CYP4A11: variants seen among roughly 807,000 people sequenced by gnomAD.
CYP4A11 encodes cytochrome P450 family 4 subfamily A member 11.
A neutral mutation model predicts 57.7 loss-of-function variants in CYP4A11; 52 were observed. The observed-to-expected ratio is 0.90, with a 90% CI of 0.72 to 1.14. CYP4A11 has a LOEUF of 1.14. CYP4A11 is among the 50% of genes most tolerant of loss of function. The pLI is 0.00. For missense variants in CYP4A11, 641 were observed against 642.1 expected (o/e 1.00, Z 0.02); for synonymous variants, 228 against 247.1 (o/e 0.92, Z 0.72).
intron 3 of CYP4A11, 94 bp from the exon 4 acceptor site, chr1:46,936,885 G>A: frequency 6.7e-7 from 1 of 1,488,888 alleles, no homozygotes; most frequent in Non-Finnish European, 9.0e-7. Context: ...TGACAATTTG[G>A]GAGGGAGAAA....
In CYP4A11 at chr1:46,935,594, G is replaced by A. The variant is rs745608540; in HGVS notation, c.564C>T (p.His188=). 11 of 1,613,864 alleles carry A rather than the reference G, an allele frequency of 6.8e-6. No homozygotes were observed. The highest frequency in any genetic ancestry group is 1.6e-4 in the Middle Eastern group (1 of 6,078). Residue 188 remains histidine, a synonymous_variant, in exon 5 of 12, where the codon CAC becomes CAT. Transcript: ENST00000310638. ...TGGTGTCCAGGGTCATCAAGGAGACGTGCTGAAAGACCTCCAGAGGGGAAT... is the reference window on the plus strand; with the variant it reads ...TGGTGTCCAGGGTCATCAAGGAGACATGCTGAAAGACCTCCAGAGGGGAAT... The part of the protein sequence containing the change: ...GQDSPLEVFQ[H]VSLMTLDTIM...
In CYP4A11 at chr1:46,935,599, G is replaced by A; in HGVS notation, c.559C>T (p.Gln187Ter). ...TCCAGGGTCATCAAGGAGACGTGCT[G>A]AAAGACCTCCAGAGGGGAATCCTGG... The part of the protein sequence containing the change: ...LGQDSPLEVF[Q>*]HVSLMTLDTI... Residue 187 changes from glutamine to a stop codon, truncating the protein, a stop_gained, in exon 5 of 12, where the codon CAG (glutamine) becomes TAG (stop). Coordinates refer to ENST00000310638, the MANE Select transcript of CYP4A11 (RefSeq NM_000778.4). LOFTEE classifies it high-confidence loss of function. 1 of 1,613,980 alleles carries A rather than the reference G, an allele frequency of 6.2e-7. No individual in the cohort carries two copies.
In CYP4A11 at chr1:46,930,507, G is replaced by A. The variant is rs548260798; in HGVS notation, c.1365-197C>T. Among the ~76,000 whole-genome samples, 26 of 152,252 alleles carry A rather than the reference G, an allele frequency of 1.7e-4. 1 individual carries two copies. Among genetic ancestry groups the A allele is most frequent in the African/African-American group, 5.5e-4 (23 of 41,514 alleles). On this transcript the variant is annotated intron_variant, in intron 11 of 11. Transcript: ENST00000310638. The stretch of plus-strand genomic sequence containing the variant: ...ACTATCCCAATCCTTGGACAGAGCC[G>A]TCTTCCTGGGCTAGCTCCTAACTCC...
intron 6 of CYP4A11, 41 bp from the exon 7 acceptor site, chr1:46,934,600 C>A: frequency 6.4e-7 from 1 of 1,571,330 alleles, no homozygotes; most frequent in Non-Finnish European, 8.7e-7. Flanking sequence ...CTGAGACCGT[C>A]AGCAGCCCCC....
chr1:46,937,501 G>A (rs910022156), intron 2 of CYP4A11, among the ~76,000 whole-genome samples, 155 bp from the exon 3 acceptor site: 32 of 152,236 alleles, frequency 2.1e-4, no homozygotes, highest in African/African-American at 7.0e-4. Flanking sequence ...CTGAAGGTCA[G>A]TGTGGGCTCA....
chr1:46,933,059 G>A lies in CYP4A11; in HGVS notation c.1223-12C>T, dbSNP rs781048941. 1.2e-6 allele frequency: 2 copies of A among 1,614,116 alleles called. No homozygotes were observed. The highest frequency in any genetic ancestry group is 1.7e-5 in the Admixed American group (1 of 60,012). ...GAGGACCATGATACCTGTGGTGCAG[G>A]TTGGAAACAGAGAGAAGACCAATCA... On this transcript the variant is annotated splice_polypyrimidine_tract_variant and intron_variant, in intron 9 of 11. Transcript: ENST00000310638.
intron 8 of CYP4A11, 41 bp from the exon 9 acceptor site, chr1:46,934,120 G>A (rs1200348060): frequency 1.2e-5 from 19 of 1,609,936 alleles, no homozygotes. Context: ...GGCCTGGGCA[G>A]ACCAGGGGCC....
At chr1:46,937,003 G>C (rs530418401) in intron 3 of CYP4A11, among the ~76,000 whole-genome samples, 2 of 152,320 alleles carry the variant, frequency 1.3e-5, no homozygotes, top group East Asian at 1.9e-4. Context: ...GCTGCTACAT[G>C]CATGTGATTA....
chr1:46,937,216 G>T, intron 3 of CYP4A11, 86 bp downstream of exon 3: 1 of 1,451,360 alleles, frequency 6.9e-7, no homozygotes, highest in East Asian at 2.3e-5. Flanking sequence ...GATAGTGGTG[G>T]CCTCTAATCT....
chr1:46,936,693 G>T lies in CYP4A11; in HGVS notation c.481C>A (p.Leu161Ile). 1 of 1,612,610 alleles carries T rather than the reference G, an allele frequency of 6.2e-7. No homozygotes were observed. The highest frequency in any genetic ancestry group is 8.5e-7 in the Non-Finnish European group (1 of 1,179,324). ...HYDILKPYVG[L>I]MADSVRVMLD... ...ATCACTCGTACAGAGTCTGCCATGA[G>T]CCCCACATAGGGCTTCAGGATGTCA... The change falls in exon 4 of 12, where the codon CTC becomes ATC. Residue 161 changes from leucine (L) to isoleucine (I), a missense_variant. Coordinates refer to ENST00000310638, the MANE Select transcript of CYP4A11 (RefSeq NM_000778.4).
Position 46,934,558 on chromosome 1 carries a change from G to T in CYP4A11, c.792C>A (p.Asp264Glu), listed in dbSNP as rs1440585485. The T allele has an allele frequency of 1.1e-5, 18 of 1,611,946 alleles. No individual in the cohort carries two copies. The South Asian group carries it at 2.0e-4, about 18-fold the overall frequency. Residue 264 changes from aspartate (D) to glutamate (E), a missense_variant and splice_region_variant, in exon 7 of 12, where the codon GAC becomes GAA. Physicochemically the swap from Asp to Glu is conservative, Grantham distance 45 (BLOSUM62 2). Coordinates refer to ENST00000310638, the MANE Select transcript of CYP4A11 (RefSeq NM_000778.4). ...RACQLAHQHT[D>E]QVIQLRKAQL... is the part of the protein sequence containing the mutation. ...GAGCCTTCCTCAGTTGGATCACTTG[G>T]TCTGTACCAGAACAATGGTTACCAG...
At chr1:46,933,358 C>T (rs1681152223) in intron 9 of CYP4A11, among the ~76,000 whole-genome samples, 1 of 152,184 alleles carries the variant, frequency 6.6e-6, no homozygotes, top group African/African-American at 2.4e-5. Flanking sequence ...TATACATGAA[C>T]TCACTCAGTA....
chr1:46,931,766 T>A, intron 11 of CYP4A11: 1 of 713,290 alleles, frequency 1.4e-6, no homozygotes, highest in Non-Finnish European at 1.7e-6. Context: ...ACTCACCGTT[T>A]CAAAAAGTCA....
rs1367373177 is a variant in CYP4A11 at position 46,938,179 on chromosome 1, T to C, written c.196-42A>G. 3.1e-6 allele frequency: 5 copies of C among 1,612,348 alleles called. No homozygotes were observed. In the African/African-American group the frequency reaches 6.7e-5, roughly 22 times the overall value. Reference sequence around the variant, plus strand: ...ACAGATGAACACTTTCATTTACTTCTAGTCTTTGCAGCAGGAGTGAAGGGC... The same window carrying C: ...ACAGATGAACACTTTCATTTACTTCCAGTCTTTGCAGCAGGAGTGAAGGGC... On this transcript the variant is annotated intron_variant, in intron 1 of 11. Coordinates refer to ENST00000310638, the MANE Select transcript of CYP4A11 (RefSeq NM_000778.4).
rs975170388 is a variant in CYP4A11 at position 46,940,764 on chromosome 1, C to T, written c.195+475G>A. The T allele has an allele frequency of 3.0e-6, 3 of 985,330 alleles. No homozygotes were observed. The African/African-American group carries it at 5.2e-5, about 17-fold the overall frequency. The allele number at this position is 985,330 out of a possible 1,614,324, so 61.0% of individuals were successfully genotyped here. A position where few individuals can be genotyped will look rare whatever the true frequency, so the allele number is the denominator to read the frequency against. On this transcript the variant is annotated intron_variant, in intron 1 of 11. Transcript: ENST00000310638. Reference sequence around the variant, plus strand: ...AGTGAGCTCCTTTCCTGCAGTCTGACACCTTCTCAAATTCCTGCCTGTATT... The same window carrying T: ...AGTGAGCTCCTTTCCTGCAGTCTGATACCTTCTCAAATTCCTGCCTGTATT...
intron 1 of CYP4A11, 83 bp downstream of exon 1, chr1:46,941,156 C>A: frequency 6.5e-7 from 1 of 1,536,342 alleles, no homozygotes; most frequent in Non-Finnish European, 8.8e-7. Context: ...CAAAACAAGG[C>A]TTTGCTCTAT....
In CYP4A11 at chr1:46,932,753, C is replaced by G. The variant is rs768252910; in HGVS notation, c.1364+8G>C. 10 of 1,614,060 alleles carry G rather than the reference C, an allele frequency of 6.2e-6. No homozygotes were observed. The Admixed American group carries it at 6.7e-5, about 11-fold the overall frequency. On this transcript the variant is annotated splice_region_variant and intron_variant, in intron 11 of 11. Transcript: ENST00000310638. ...CCTCTATTCGAATTACCACACAGGA[C>G]GTCTCACCTTGATCCTCCTGAGAAG... is the stretch of plus-strand genomic sequence containing the variant.
chr1:46,934,013 C>T lies in CYP4A11; in HGVS notation c.1155G>A (p.Pro385=), dbSNP rs139359800. The T allele has an allele frequency of 5.0e-5, 81 of 1,613,834 alleles. No individual in the cohort carries two copies. Among genetic ancestry groups the T allele is most frequent in the Admixed American group, 3.8e-4 (23 of 59,978 alleles). Residue 385 remains proline (P), a synonymous_variant, in exon 9 of 12, where the codon CCG becomes CCA. Coordinates refer to ENST00000310638, the MANE Select transcript of CYP4A11 (RefSeq NM_000778.4). ...TGAGCTCTCTGCCAATGCCTGGCAC[C>T]GGTGGGTAGAGCCTCAGTGCCTCCT... ...CIKEALRLYP[P]VPGIGRELST...
Position 46,930,020 on chromosome 1 carries a change from A to G in CYP4A11, c.*95T>C, listed in dbSNP as rs1177432969. ...GACTGGGGGACAGCAGGCAGGTGGGAAGAAGGGAAGGTGGGCAGACAGAAA... is the reference window on the plus strand; with the variant it reads ...GACTGGGGGACAGCAGGCAGGTGGGGAGAAGGGAAGGTGGGCAGACAGAAA... On this transcript the variant is annotated 3_prime_UTR_variant, in exon 12 of 12. Coordinates refer to ENST00000310638, the MANE Select transcript of CYP4A11 (RefSeq NM_000778.4). The G allele has an allele frequency of 1.4e-6, 2 of 1,430,544 alleles. No homozygotes were observed. The highest frequency in any genetic ancestry group is 1.9e-6 in the Non-Finnish European group (2 of 1,071,154). The allele number at this position is 1,430,544 out of a possible 1,614,324, so 88.6% of individuals were successfully genotyped here.
Sources: gnomAD v4.1 joint callset for allele counts (sites outside exome capture counted in the v4.1 genomes callset) on GRCh38, gnomAD v4.1.1 for gene constraint, MANE v1.5 for transcripts, NCBI Gene and HGNC (gene_info 2026-07-23, HGNC 2026-07-21) for gene names.